The following CENPQ variants were observed in gnomAD, a reference collection of about 807,000 sequenced individuals.
The protein encoded by CENPQ is centromere protein Q.
In CENPQ, 27 loss-of-function variants were observed where a neutral mutation model predicts 36.6. The ratio of observed to expected loss-of-function variants is 0.74; its 90% CI spans 0.54 to 1.02. The LOEUF (loss-of-function observed/expected upper bound fraction) is 1.02, where lower values mean the gene tolerates loss of function less well. CENPQ is among the 50% of genes least tolerant of loss of function. CENPQ has a pLI of 0.00. For missense variants in CENPQ, 306 were observed against 301.8 expected, an observed-to-expected ratio of 1.01 and a Z score of -0.10; for synonymous variants, 101 against 101.7, an observed-to-expected ratio of 0.99 and a Z score of 0.04.
At position 49,492,265 on chromosome 6, in the gene CENPQ, A is replaced by G. The variant is rs2501968; in HGVS notation, c.797A>G (p.Asp266Gly). The change falls in exon 9 of 9, where the codon GAT becomes GGT. Residue 266 changes from aspartate to glycine, a missense_variant. Asp to Gly is a moderately conservative substitution (Grantham distance 94). Transcript: ENST00000335783. ...ATTGAAGAAGCCTATAAGAAACTGG[A>G]TGCATCTTAAAGAGTGTTTTTTTTT... Reference protein sequence around the residue: ...TFIEEAYKKLDAS With the variant: ...TFIEEAYKKLGAS 661,873 of 1,575,926 alleles carry G rather than the reference A, an allele frequency of 0.42. 143,289 individuals are homozygous for G. The highest frequency in any genetic ancestry group is 0.68 in the Admixed American group (35,770 of 52,512).
chr6:49,475,059 G>A (rs1009383854), intron 5 of CENPQ, among the ~76,000 whole-genome samples: 1 of 152,110 alleles, frequency 6.6e-6, no homozygotes, highest in African/African-American at 2.4e-5. Flanking sequence ...CAGATTCACA[G>A]CCGAATTCTA....
intron 5 of CENPQ, among the ~76,000 whole-genome samples, chr6:49,473,752 G>A (rs961375331): frequency 1.3e-5 from 2 of 152,168 alleles, no homozygotes; most frequent in African/African-American, 4.8e-5. Flanking sequence ...AAACCCATCA[G>A]TGTGCTGTAT....
chr6:49,482,556 A>G (rs975689550), intron 6 of CENPQ, among the ~76,000 whole-genome samples: 1 of 152,138 alleles, frequency 6.6e-6, no homozygotes, highest in Non-Finnish European at 1.5e-5. Flanking sequence ...AGGGGTCCTC[A>G]GTAGAAGTTG....
intron 2 of CENPQ, 102 bp from the exon 3 acceptor site, chr6:49,470,872 T>G: frequency 1.8e-6 from 1 of 568,688 alleles, no homozygotes; most frequent in Non-Finnish European, 2.7e-6. Flanking sequence ...CTAGAAATTA[T>G]ATGAATACTC....
chr6:49,475,574 G>T (rs1282072983), intron 5 of CENPQ, among the ~76,000 whole-genome samples: 1 of 152,070 alleles, frequency 6.6e-6, no homozygotes, highest in Non-Finnish European at 1.5e-5. Context: ...TTCTGGCCAG[G>T]GCAATCAGGC....
chr6:49,477,593 T>C (rs6458694), intron 5 of CENPQ, among the ~76,000 whole-genome samples: 54,340 of 151,692 alleles, frequency 0.36, 9,932 homozygotes, highest in African/African-American at 0.39. Context: ...AAATGTTCTG[T>C]TTCTCAGTTT....
chr6:49,480,884 G>A, intron 5 of CENPQ, 67 bp from the exon 6 acceptor site: 3 of 1,143,028 alleles, frequency 2.6e-6, no homozygotes, highest in Non-Finnish European at 3.6e-6. Flanking sequence ...GAAAAAATGA[G>A]GACTGTTTTA....
chr6:49,473,045 G>C (rs1399616199), intron 5 of CENPQ, among the ~76,000 whole-genome samples, 187 bp downstream of exon 5: 1 of 151,624 alleles, frequency 6.6e-6, no homozygotes, highest in Non-Finnish European at 1.5e-5. Flanking sequence ...ATAAGTTTCA[G>C]GGGAACTTAC....
chr6:49,489,749 AAAC>A (rs1290512266), intron 8 of CENPQ, among the ~76,000 whole-genome samples: 2 of 152,216 alleles, frequency 1.3e-5, no homozygotes, highest in African/African-American at 2.4e-5. Flanking sequence ...GCAGATGTGA[AAAC>A]AACATTAATC....
chr6:49,492,124 TA>T lies in CENPQ; in HGVS notation c.676-18del. 3 of 1,580,342 alleles carry T rather than the reference TA, an allele frequency of 1.9e-6. No homozygotes were observed. Among genetic ancestry groups the T allele is most frequent in the Middle Eastern group, 1.7e-4 (1 of 5,776 alleles). On this transcript the variant is annotated intron_variant, in intron 8 of 8. Coordinates refer to ENST00000335783, the MANE Select transcript of CENPQ (RefSeq NM_018132.4). ...ATAATAAAATGTTAACAACTACATT[TA>T]ATACTATCTTTCCCACAGAAAGAAA...
rs751863775 is a variant in CENPQ, at chr6:49,488,372, A to G, written c.498A>G (p.Val166=). The G allele has an allele frequency of 1.9e-6, 3 of 1,607,100 alleles. No homozygotes were observed. Among genetic ancestry groups the G allele is most frequent in the Non-Finnish European group, 1.7e-6 (2 of 1,176,280 alleles). ...CTCAGGAAGAAATAGATAAAATGGT[A>G]GAGACCACAGAGTTAATGACTGGGA... The part of the protein sequence containing the change: ...ALLQEEIDKM[V]ETTELMTGNI... The change falls in exon 7 of 9, where the codon GTA becomes GTG. Residue 166 remains valine (V), a synonymous_variant. Transcript: ENST00000335783.
At chr6:49,464,800 T>A (rs1767958177) in intron 1 of CENPQ, among the ~76,000 whole-genome samples, 1 of 152,226 alleles carries the variant, frequency 6.6e-6, no homozygotes, top group African/African-American at 2.4e-5. Flanking sequence ...TGCCACCAGA[T>A]CTTTCATCAC....
chr6:49,477,939 T>C (rs535376979), intron 5 of CENPQ, among the ~76,000 whole-genome samples: 23 of 152,368 alleles, frequency 1.5e-4, no homozygotes, highest in African/African-American at 5.5e-4. Context: ...TTTATGAATG[T>C]GACTATTACA....
In CENPQ at chr6:49,480,827, C is replaced by G; in HGVS notation, c.348-124C>G. The G allele has an allele frequency of 8.1e-6, 4 of 494,552 alleles. No individual in the cohort carries two copies. The South Asian group carries it at 1.8e-4, about 22-fold the overall frequency. The allele number at this position is 494,552 out of a possible 1,614,324, so 30.6% of individuals were successfully genotyped here. A position where few individuals can be genotyped will look rare whatever the true frequency, so the allele number is the denominator to read the frequency against. On this transcript the variant is annotated intron_variant, in intron 5 of 8. Transcript: ENST00000335783. ...AGGGGGAGATTTACTGGCAATGTTA[C>G]CCAGTGGTAATAAAAGAATATTGTA...
intron 1 of CENPQ, among the ~76,000 whole-genome samples, chr6:49,467,505 T>TA (rs1328585468): frequency 6.6e-6 from 1 of 152,140 alleles, no homozygotes; most frequent in Non-Finnish European, 1.5e-5. Flanking sequence ...AAGTCTTTTT[T>TA]AAAAAAATAC....
At chr6:49,466,631 A>C (rs1375335429) in intron 1 of CENPQ, among the ~76,000 whole-genome samples, 2 of 152,244 alleles carry the variant, frequency 1.3e-5, no homozygotes, top group Non-Finnish European at 2.9e-5. Context: ...AGAATGGGAC[A>C]AAATACCTAT....
chr6:49,471,082 C>A, intron 3 of CENPQ, 54 bp downstream of exon 3: 2 of 1,069,954 alleles, frequency 1.9e-6, no homozygotes, highest in Non-Finnish European at 2.6e-6. Context: ...GCTATATCTA[C>A]ATTCGTGAAA....
rs182509146 is a variant in CENPQ, at chr6:49,486,084, G to C, written c.478-2268G>C. Among the ~76,000 whole-genome samples the C allele has an allele frequency of 3.3e-3, 502 of 152,138 alleles. 12 individuals are homozygous for C. Among genetic ancestry groups the C allele is most frequent in the Non-Finnish European group, 4.4e-4 (30 of 67,994 alleles). On this transcript the variant is annotated intron_variant, in intron 6 of 8. Transcript: ENST00000335783. ...GTGTTCTTATAAAAGACAAGAGAAG[G>C]CACAAAGACAAAGAAAAAGCCACGT...
chr6:49,466,822 A>G (rs1321812236), intron 1 of CENPQ, among the ~76,000 whole-genome samples: 2 of 152,164 alleles, frequency 1.3e-5, no homozygotes, highest in African/African-American at 4.8e-5. Flanking sequence ...TAATGGGGAA[A>G]ATGAGTTAAT....
Sources: gnomAD v4.1 joint callset for allele counts (sites outside exome capture counted in the v4.1 genomes callset) on GRCh38, gnomAD v4.1.1 for gene constraint, MANE v1.5 for transcripts, NCBI Gene and HGNC (gene_info 2026-07-23, HGNC 2026-07-21) for gene names.